THRB: variants seen among roughly 807,000 people sequenced by gnomAD.
THRB encodes nuclear receptor subfamily 1 group A member 2.
In THRB, 12 loss-of-function variants were observed where a neutral mutation model predicts 47.8. The observed-to-expected ratio is 0.25, with a 90% CI of 0.16 to 0.41. THRB has a LOEUF of 0.41. Ranked by LOEUF, THRB falls within the 10% of genes least tolerant of loss-of-function variation. The probability of loss-of-function intolerance (pLI) is 1.00; values close to 1 mark genes in which losing one functional copy is unlikely to be tolerated. For synonymous variants in THRB, 218 were observed against 212.2 expected, an observed-to-expected ratio of 1.03 and a Z score of -0.24; for missense variants, 348 against 589.2, an observed-to-expected ratio of 0.59 and a Z score of 4.24.
chr3:24,223,487 C>A (rs1308905171), intron 4 of THRB, among the ~76,000 whole-genome samples: 1 of 151,692 alleles, frequency 6.6e-6, no homozygotes, highest in East Asian at 1.9e-4. Flanking sequence ...TTTTGTATGA[C>A]CAAAAATGCT....
rs1300004855 is a variant in THRB, at chr3:24,319,562, T to C, written c.-189+17738A>G. 3.3e-5 allele frequency among the ~76,000 whole-genome samples: 5 copies of C among 152,116 alleles called. No individual in the cohort carries two copies. The East Asian group carries it at 9.6e-4, about 29-fold the overall frequency. On this transcript the variant is annotated intron_variant, in intron 2 of 10. Coordinates refer to ENST00000646209, the MANE Select transcript of THRB (RefSeq NM_001354712.2). ...AAATTCAGAAAAGTGGTAATCCTGGTATGGGGCAGGCAGTGACAGAGAGGG... is the reference window on the plus strand; with the variant it reads ...AAATTCAGAAAAGTGGTAATCCTGGCATGGGGCAGGCAGTGACAGAGAGGG...
At chr3:24,477,087 T>G (rs1011987050) in intron 1 of THRB, among the ~76,000 whole-genome samples, 8 of 121,952 alleles carry the variant, frequency 6.6e-5, no homozygotes, top group South Asian at 5.7e-4. Flanking sequence ...TATAAAGGGG[T>G]GTGTGTGTGT....
chr3:24,452,805 C>T (rs1409960363), intron 1 of THRB, among the ~76,000 whole-genome samples: 3 of 152,148 alleles, frequency 2.0e-5, no homozygotes, highest in South Asian at 4.1e-4. Context: ...CAACCTCTCC[C>T]AAGAAAACTG....
intron 1 of THRB, among the ~76,000 whole-genome samples, chr3:24,384,114 T>C (rs1235946980): frequency 1.3e-5 from 2 of 152,170 alleles, no homozygotes; most frequent in Non-Finnish European, 1.5e-5. Context: ...TCCACCTTTA[T>C]ACATGGCTAC....
intron 2 of THRB, among the ~76,000 whole-genome samples, chr3:24,303,237 ATGAATCTTTGCTG>A (rs754430437): frequency 2.6e-5 from 4 of 152,216 alleles, no homozygotes; most frequent in Non-Finnish European, 5.9e-5. Flanking sequence ...GCCCTGTGCC[ATGAATCTTTGCTG>A]TGAATCTTTG....
chr3:24,492,004 AGAG>A (rs1698214777), intron 1 of THRB, among the ~76,000 whole-genome samples: 1 of 152,260 alleles, frequency 6.6e-6, no homozygotes, highest in Admixed American at 6.5e-5. Flanking sequence ...AAAGAGAGAG[AGAG>A]AAAAATAAAG....
chr3:24,308,858 T>C (rs369993488), intron 2 of THRB, among the ~76,000 whole-genome samples: 1 of 152,344 alleles, frequency 6.6e-6, no homozygotes. Context: ...TGTTCCCCTT[T>C]TGTTTTTGTG....
chr3:24,228,549 T>C (rs1317701629), intron 4 of THRB, among the ~76,000 whole-genome samples: 1 of 150,902 alleles, frequency 6.6e-6, no homozygotes, highest in Non-Finnish European at 1.5e-5. Flanking sequence ...GGAGAATCAC[T>C]TGAGCCCTGG....
chr3:24,264,436 G>A (rs965424873), intron 3 of THRB, among the ~76,000 whole-genome samples: 1 of 152,002 alleles, frequency 6.6e-6, no homozygotes, highest in African/African-American at 2.4e-5. Context: ...GACAAAGTTT[G>A]GACATAGGGA....
intron 4 of THRB, among the ~76,000 whole-genome samples, chr3:24,198,204 T>C (rs1316796102): frequency 2.0e-5 from 3 of 152,186 alleles, no homozygotes; most frequent in Admixed American, 2.0e-4. Flanking sequence ...ACTTGTAAAT[T>C]TGGAATATTC....
intron 3 of THRB, among the ~76,000 whole-genome samples, chr3:24,273,186 T>C (rs1159142994): frequency 6.6e-6 from 1 of 152,118 alleles, no homozygotes; most frequent in African/African-American, 2.4e-5. Flanking sequence ...ATCCAGGACC[T>C]GCCAACAATA....
At chr3:24,209,576 C>A (rs2045790415) in intron 4 of THRB, among the ~76,000 whole-genome samples, 1 of 152,046 alleles carries the variant, frequency 6.6e-6, no homozygotes, top group Admixed American at 6.6e-5. Context: ...ATCACAAAGA[C>A]AAAAAACCAA....
intron 1 of THRB, among the ~76,000 whole-genome samples, chr3:24,341,801 GA>G (rs2062674256): frequency 6.6e-6 from 1 of 152,166 alleles, no homozygotes; most frequent in African/African-American, 2.4e-5. Context: ...ATTGCCATGA[GA>G]ATATGCCTTA....
chr3:24,127,473 C>T, intron 10 of THRB, 26 bp downstream of exon 10: 2 of 1,613,824 alleles, frequency 1.2e-6, no homozygotes, highest in Non-Finnish European at 1.7e-6. Flanking sequence ...CTTTGGATGC[C>T]CACTAACGAG....
intron 4 of THRB, among the ~76,000 whole-genome samples, chr3:24,223,524 T>G (rs1255330961): frequency 6.6e-6 from 1 of 152,150 alleles, no homozygotes; most frequent in Admixed American, 6.5e-5. Flanking sequence ...AATTTATTTG[T>G]AAATGGTTTG....
intron 10 of THRB, among the ~76,000 whole-genome samples, chr3:24,126,089 TA>T (rs542991182): frequency 9.8e-4 from 149 of 152,266 alleles, no homozygotes; most frequent in African/African-American, 3.4e-3. Context: ...ATTTCTAGAT[TA>T]GCTTTAAAAA....
chr3:24,419,408 A>G (rs1191667493), intron 1 of THRB, among the ~76,000 whole-genome samples: 1 of 151,722 alleles, frequency 6.6e-6, no homozygotes, highest in Non-Finnish European at 1.5e-5. Context: ...TTACTTAAGG[A>G]CCTCTCTCCA....
intron 9 of THRB, among the ~76,000 whole-genome samples, chr3:24,129,731 G>A (rs768342590): frequency 4.0e-5 from 6 of 151,416 alleles, no homozygotes; most frequent in Non-Finnish European, 7.4e-5. Flanking sequence ...AGAGATGCAG[G>A]GATACTCCCA....
At chr3:24,367,500 C>T (rs2064560422) in intron 1 of THRB, among the ~76,000 whole-genome samples, 1 of 152,154 alleles carries the variant, frequency 6.6e-6, no homozygotes, top group South Asian at 2.1e-4. Context: ...GGTTACTGCA[C>T]AGTCTAGTAA....
Sources: allele counts gnomAD v4.1 joint callset (sites outside exome capture counted in the v4.1 genomes callset), GRCh38; gene constraint gnomAD v4.1.1; transcripts MANE v1.5; gene names NCBI Gene and HGNC (gene_info 2026-07-23, HGNC 2026-07-21).